PLEKHM3: variants seen among roughly 807,000 people sequenced by gnomAD.
The protein encoded by PLEKHM3 is pleckstrin homology domain-containing family M member 3.
Under a neutral mutation model 81.8 loss-of-function variants are expected in PLEKHM3, and 45 were observed. That is an observed-to-expected ratio of 0.55 (90% confidence interval 0.43 to 0.71). The LOEUF (loss-of-function observed/expected upper bound fraction) is 0.71. Ranked by LOEUF, PLEKHM3 falls within the 30% of genes least tolerant of loss-of-function variation. PLEKHM3 has a pLI of 0.00. For synonymous variants in PLEKHM3, 352 were observed against 356.4 expected (o/e 0.99, Z 0.14); for missense variants, 788 against 924.3 (o/e 0.85, Z 1.91).
At chr2:208,014,503 C>T (rs1318638592) in intron 1 of PLEKHM3, among the ~76,000 whole-genome samples, 2 of 152,030 alleles carry the variant, frequency 1.3e-5, no homozygotes, top group East Asian at 3.9e-4. Context: ...AGTTAGCTGG[C>T]CGTGGTGGCA....
At chr2:207,960,862 G>A (rs1401526058) in intron 3 of PLEKHM3, among the ~76,000 whole-genome samples, 1 of 152,154 alleles carries the variant, frequency 6.6e-6, no homozygotes, top group East Asian at 1.9e-4. Context: ...GCCATAAGAC[G>A]ACTTCTCTTT....
intron 5 of PLEKHM3, among the ~76,000 whole-genome samples, chr2:207,920,917 T>C (rs911186904): frequency 2.6e-5 from 4 of 151,900 alleles, no homozygotes; most frequent in African/African-American, 9.7e-5. Context: ...AGCACAGGAG[T>C]GCCCGTCTCA....
At chr2:207,840,420 C>T (rs528824070) in intron 7 of PLEKHM3, among the ~76,000 whole-genome samples, 68 of 152,284 alleles carry the variant, frequency 4.5e-4, no homozygotes, top group African/African-American at 1.5e-3. Flanking sequence ...TGGTCTCAAA[C>T]TCCTGGCCTC....
intron 6 of PLEKHM3, among the ~76,000 whole-genome samples, chr2:207,870,469 CA>C (rs1192189911): frequency 6.6e-6 from 1 of 152,224 alleles, no homozygotes; most frequent in Non-Finnish European, 1.5e-5. Flanking sequence ...ACCCAATTCA[CA>C]GTGAACGGTC....
chr2:207,923,656 A>T (rs1377683635), intron 5 of PLEKHM3, among the ~76,000 whole-genome samples: 1 of 151,526 alleles, frequency 6.6e-6, no homozygotes, highest in Non-Finnish European at 1.5e-5. Context: ...AAATAAGGTG[A>T]TGAGAGTAGA....
At position 207,865,801 on chromosome 2, in the gene PLEKHM3, A is replaced by AAAAAAAAAAAAAAAAAAAT; in HGVS notation, c.1951-4540_1951-4539insATTTTTTTTTTTTTTTTTT. On this transcript the variant is annotated intron_variant, in intron 6 of 7. Coordinates refer to ENST00000427836, the MANE Select transcript of PLEKHM3 (RefSeq NM_001080475.3). Reference sequence around the variant, plus strand: ...CGACTCAAAAAAAAAAAAAAAAAAAAAGATATATATATATATATATATATA... The same window carrying AAAAAAAAAAAAAAAAAAAT: ...CGACTCAAAAAAAAAAAAAAAAAAAAAAAAAAAAAAAAAAAAAATAGATATATATATATATATATATATA... Among the ~76,000 whole-genome samples the AAAAAAAAAAAAAAAAAAAT allele has an allele frequency of 2.4e-4, 6 of 25,300 alleles. 1 individual carries two copies. The highest frequency in any genetic ancestry group is 3.8e-4 in the Non-Finnish European group (5 of 13,198). 16.6% of individuals were successfully genotyped at this position (25,300 alleles called of 152,430 possible).
intron 2 of PLEKHM3, among the ~76,000 whole-genome samples, chr2:208,000,012 T>C (rs1692243229): frequency 1.3e-5 from 2 of 152,238 alleles, no homozygotes; most frequent in African/African-American, 4.8e-5. Flanking sequence ...TAAAAATTGA[T>C]AGCCTGTATA....
At position 207,865,799 on chromosome 2, in the gene PLEKHM3, A is replaced by ATAT. The variant is rs1227503454; in HGVS notation, c.1951-4538_1951-4537insATA. On this transcript the variant is annotated intron_variant, in intron 6 of 7. Transcript: ENST00000427836. The stretch of plus-strand genomic sequence containing the variant: ...TCCGACTCAAAAAAAAAAAAAAAAA[A>ATAT]AAAGATATATATATATATATATATA... 5.7e-4 allele frequency among the ~76,000 whole-genome samples: 20 copies of ATAT among 35,108 alleles called. 1 individual carries two copies. Among genetic ancestry groups the ATAT allele is most frequent in the African/African-American group, 3.2e-3 (18 of 5,568 alleles). 23.0% of individuals were successfully genotyped at this position (35,108 alleles called of 152,430 possible).
intron 6 of PLEKHM3, among the ~76,000 whole-genome samples, chr2:207,906,479 T>A (rs1246788511): frequency 6.6e-6 from 1 of 152,198 alleles, no homozygotes; most frequent in Non-Finnish European, 1.5e-5. Context: ...TAACATCATG[T>A]CTGCCATTTA....
intron 6 of PLEKHM3, among the ~76,000 whole-genome samples, chr2:207,870,648 G>A (rs1244546608): frequency 1.3e-5 from 2 of 152,230 alleles, no homozygotes; most frequent in African/African-American, 2.4e-5. Context: ...TAATAGGTGG[G>A]TAGAGTGAAG....
intron 3 of PLEKHM3, among the ~76,000 whole-genome samples, chr2:207,969,949 C>T (rs1177024025): frequency 6.6e-6 from 1 of 152,136 alleles, no homozygotes. Flanking sequence ...GACATCCATT[C>T]CCACAAATAA....
At chr2:207,929,942 T>C in intron 5 of PLEKHM3, 1 of 695,726 alleles carries the variant, frequency 1.4e-6, no homozygotes, top group Non-Finnish European at 2.6e-6. Context: ...TGGTCATTTC[T>C]ATTAAAACAA....
chr2:207,932,913 C>T (rs73983644), intron 4 of PLEKHM3, among the ~76,000 whole-genome samples: 5,234 of 152,112 alleles, frequency 0.034, 280 homozygotes, highest in African/African-American at 0.12. Flanking sequence ...ATAAATTTCT[C>T]GTACATAAAC....
chr2:207,958,573 G>C (rs571485977), intron 3 of PLEKHM3, among the ~76,000 whole-genome samples: 1 of 152,242 alleles, frequency 6.6e-6, no homozygotes, highest in Non-Finnish European at 1.5e-5. Context: ...TGCTGGGCTG[G>C]GCTACTTGAA....
chr2:207,850,576 C>T (rs1039443530), intron 7 of PLEKHM3, among the ~76,000 whole-genome samples: 79 of 152,250 alleles, frequency 5.2e-4, no homozygotes, highest in East Asian at 3.9e-4. Context: ...CTTGTAATCT[C>T]GAAGCATTTC....
In PLEKHM3 at chr2:207,962,743, T is replaced by C. The variant is rs73983657; in HGVS notation, c.1546+13908A>G. ...ATCTAATTGGAGTTGAAACAGATTA[T>C]GTGCAAATAAACCGTGCAAATAAAC... On this transcript the variant is annotated intron_variant, in intron 3 of 7. Coordinates refer to ENST00000427836, the MANE Select transcript of PLEKHM3 (RefSeq NM_001080475.3). 3.8e-3 allele frequency among the ~76,000 whole-genome samples: 577 copies of C among 152,212 alleles called. 4 individuals carry two copies. The highest frequency in any genetic ancestry group is 0.013 in the African/African-American group (552 of 41,530).
chr2:207,944,056 A>G (rs1690038526), intron 4 of PLEKHM3, among the ~76,000 whole-genome samples: 2 of 152,198 alleles, frequency 1.3e-5, no homozygotes, highest in South Asian at 4.1e-4. Flanking sequence ...GAATCCTGGT[A>G]GTTAAAATGA....
intron 7 of PLEKHM3, among the ~76,000 whole-genome samples, chr2:207,847,585 T>A (rs1479781580): frequency 6.6e-6 from 1 of 152,290 alleles, no homozygotes; most frequent in East Asian, 1.9e-4. Flanking sequence ...GTCCCTTCTA[T>A]CTCTATTAGT....
At chr2:207,901,049 C>T in intron 6 of PLEKHM3, 1 of 568,752 alleles carries the variant, frequency 1.8e-6, no homozygotes, top group East Asian at 2.9e-5. Context: ...CAGCTGCAGC[C>T]TCAACCGGTA....
Sources: gnomAD v4.1 joint callset for allele counts (sites outside exome capture counted in the v4.1 genomes callset) on GRCh38, gnomAD v4.1.1 for gene constraint, MANE v1.5 for transcripts, NCBI Gene and HGNC (gene_info 2026-07-23, HGNC 2026-07-21) for gene names.